The following GRIP1 variants were observed in gnomAD, a reference collection of about 807,000 sequenced individuals.
GRIP1 encodes glutamate receptor-interacting protein 1.
Under a neutral mutation model 129.9 loss-of-function variants are expected in GRIP1, and 45 were observed. The observed-to-expected ratio is 0.35, with a 90% CI of 0.27 to 0.44. The LOEUF (loss-of-function observed/expected upper bound fraction) is 0.44, where lower values mean the gene tolerates loss of function less well. Among genes scored for constraint, GRIP1 ranks in the 20% least tolerant of loss-of-function variants. The pLI is 1.00. For synonymous variants in GRIP1, 530 were observed against 520.8 expected (o/e 1.02, Z -0.24); for missense variants, 1,196 against 1,396.8 (o/e 0.86, Z 2.29).
rs1027019058 is a variant in GRIP1 at position 66,767,036 on chromosome 12, T to C, written c.-420+37017A>G. 3.3e-5 allele frequency among the ~76,000 whole-genome samples: 5 copies of C among 152,310 alleles called. No individual in the cohort carries two copies. In the East Asian group the frequency reaches 5.8e-4, roughly 18 times the overall value. On this transcript the variant is annotated intron_variant, in intron 1 of 4. Coordinates refer to the GRIP1 transcript ENST00000538373. ...TAATAGGAGACTCAAAACTCTATAC[T>C]ACAACGTTTTAATGCATTTATATAA...
At chr12:67,066,888 T>TTTTTTTATATA (rs59891449) in intron 1 of GRIP1, among the ~76,000 whole-genome samples, 2 of 125,662 alleles carry the variant, frequency 1.6e-5, no homozygotes, top group Admixed American at 1.7e-4. Context: ...AAATATATAT[T>TTTTTTTATATA]TATATATATA....
At chr12:66,558,894 A>G (rs1213147989) in intron 2 of GRIP1, among the ~76,000 whole-genome samples, 1 of 152,114 alleles carries the variant, frequency 6.6e-6, no homozygotes, top group African/African-American at 2.4e-5. Context: ...ACTACAAGCT[A>G]ATATTCCCAA....
At chr12:66,703,080 A>G (rs1457300054) in intron 1 of GRIP1, among the ~76,000 whole-genome samples, 1 of 152,140 alleles carries the variant, frequency 6.6e-6, no homozygotes, top group Non-Finnish European at 1.5e-5. Context: ...CTTGAAGCAC[A>G]GAGAGGAGAT....
intron 1 of GRIP1, among the ~76,000 whole-genome samples, chr12:66,710,404 T>C (rs948808506): frequency 6.6e-6 from 1 of 152,008 alleles, no homozygotes; most frequent in African/African-American, 2.4e-5. Context: ...ATCCTTTTTA[T>C]GGGAAACAAG....
chr12:66,993,722 C>T (rs761707333), intron 1 of GRIP1, among the ~76,000 whole-genome samples: 49 of 145,460 alleles, frequency 3.4e-4, no homozygotes, highest in Non-Finnish European at 6.4e-4. Flanking sequence ...ACCCTGGAGG[C>T]GGAGGTTGCA....
chr12:66,891,745 C>T (rs1592933339), intron 1 of GRIP1: 1 of 152,090 alleles, frequency 6.6e-6, no homozygotes, highest in East Asian at 1.9e-4. Context: ...TGGGAAAGTA[C>T]CTTGAGAAAG....
intron 2 of GRIP1, among the ~76,000 whole-genome samples, chr12:66,577,351 C>CAG (rs2063175097): frequency 6.6e-6 from 1 of 152,044 alleles, no homozygotes; most frequent in African/African-American, 2.4e-5. Flanking sequence ...TTTCCTGTGT[C>CAG]TAAAAATATT....
intron 1 of GRIP1, among the ~76,000 whole-genome samples, chr12:66,949,103 T>C (rs117846975): frequency 0.011 from 1,643 of 152,314 alleles, 15 homozygotes; most frequent in Non-Finnish European, 0.017. Context: ...AAAACTAATT[T>C]AAACTAATCA....
intron 23 of GRIP1, among the ~76,000 whole-genome samples, chr12:66,357,703 C>T (rs971399838): frequency 2.0e-5 from 3 of 152,150 alleles, no homozygotes; most frequent in African/African-American, 7.2e-5. Context: ...TCAATTAGTG[C>T]TGCTTTGTTA....
intron 15 of GRIP1, among the ~76,000 whole-genome samples, chr12:66,414,360 T>C (rs1362407136): frequency 6.6e-6 from 1 of 151,932 alleles, no homozygotes; most frequent in Non-Finnish European, 1.5e-5. Flanking sequence ...ACAAAGAGAA[T>C]AAAATACCTA....
chr12:67,035,928 C>T (rs1159687703), intron 1 of GRIP1, among the ~76,000 whole-genome samples: 1 of 152,154 alleles, frequency 6.6e-6, no homozygotes, highest in Non-Finnish European at 1.5e-5. Context: ...ATGCTACACC[C>T]TCAGCACTAG....
intron 6 of GRIP1, 111 bp from the exon 7 acceptor site, chr12:66,515,875 A>C: frequency 8.3e-6 from 7 of 839,426 alleles, no homozygotes; most frequent in African/African-American, 1.7e-5. Flanking sequence ...CATCCATCTC[A>C]TTTGCATTCT....
chr12:66,354,820 G>A (rs1410898651), intron 23 of GRIP1, among the ~76,000 whole-genome samples: 1 of 152,138 alleles, frequency 6.6e-6, no homozygotes, highest in Non-Finnish European at 1.5e-5. Flanking sequence ...CAATATGAAA[G>A]TGGTCAGTGT....
chr12:66,421,149 C>G (rs2057789075), intron 14 of GRIP1, among the ~76,000 whole-genome samples: 1 of 152,182 alleles, frequency 6.6e-6, no homozygotes, highest in Non-Finnish European at 1.5e-5. Context: ...GTTACCCCTT[C>G]TTTTATTCCT....
intron 1 of GRIP1, among the ~76,000 whole-genome samples, chr12:66,989,552 G>A (rs2042363871): frequency 6.6e-6 from 1 of 152,136 alleles, no homozygotes; most frequent in African/African-American, 2.4e-5. Context: ...ATTATCTTCA[G>A]TTCCTCAGAT....
rs2034469762 is a variant in GRIP1 at position 66,679,012 on chromosome 12, T to C, written c.-108A>G. ...TGCGCACATACCAGGAGAAAGGTAG[T>C]CCCAGTGGGGAGTGACAAAGCTTAA... On this transcript the variant is annotated 5_prime_UTR_variant, in exon 1 of 25. Coordinates refer to ENST00000359742, the MANE Select transcript of GRIP1 (RefSeq NM_001366722.1). 6.3e-7 allele frequency: 1 copy of C among 1,585,490 alleles called. No individual in the cohort carries two copies.
intron 1 of GRIP1, among the ~76,000 whole-genome samples, chr12:66,904,606 G>T (rs1481978864): frequency 1.3e-5 from 2 of 152,174 alleles, no homozygotes; most frequent in African/African-American, 4.8e-5. Context: ...AAAATGTTCA[G>T]ATTGGGCTGG....
At chr12:66,967,722 T>A (rs2042017449) in intron 1 of GRIP1, among the ~76,000 whole-genome samples, 1 of 152,200 alleles carries the variant, frequency 6.6e-6, no homozygotes, top group Non-Finnish European at 1.5e-5. Context: ...AAGGGTGCTG[T>A]TTAATCTGTA....
intron 2 of GRIP1, among the ~76,000 whole-genome samples, chr12:66,581,406 G>C (rs560797760): frequency 1.3e-5 from 2 of 150,850 alleles, no homozygotes; most frequent in African/African-American, 2.4e-5. Context: ...ACTAAAATCA[G>C]AGCAGAATTG....
Sources: gnomAD v4.1 joint callset for allele counts (sites outside exome capture counted in the v4.1 genomes callset) on GRCh38, gnomAD v4.1.1 for gene constraint, MANE v1.5 for transcripts, NCBI Gene and HGNC (gene_info 2026-07-23, HGNC 2026-07-21) for gene names.